FBXO10: variants seen among roughly 807,000 people sequenced by gnomAD.
The protein encoded by FBXO10 is F-box only protein 10.
FBXO10 carries 39 observed loss-of-function variants against 80.7 expected under a neutral mutation model. The ratio of observed to expected loss-of-function variants is 0.48; its 90% CI spans 0.37 to 0.63. FBXO10 has a LOEUF of 0.63. FBXO10 is among the 30% of genes least tolerant of loss of function. FBXO10 has a pLI of 0.00. For synonymous variants in FBXO10, 449 were observed against 489.6 expected (o/e 0.92, Z 1.09); for missense variants, 1,025 against 1,269.0 (o/e 0.81, Z 2.92).
At chr9:37,536,477 C>A (rs1327844157) in intron 3 of FBXO10, among the ~76,000 whole-genome samples, 1 of 152,180 alleles carries the variant, frequency 6.6e-6, no homozygotes, top group Non-Finnish European at 1.5e-5. Flanking sequence ...GCTAGAAGGA[C>A]TGTTCTTAGC....
chr9:37,540,865 T>C (rs958674848), intron 2 of FBXO10, among the ~76,000 whole-genome samples: 2 of 152,188 alleles, frequency 1.3e-5, no homozygotes, highest in African/African-American at 4.8e-5. Context: ...CCAAGTGGCA[T>C]GCTTCCAGAA....
At chr9:37,564,370 C>T (rs1161644554) in intron 1 of FBXO10, among the ~76,000 whole-genome samples, 2 of 152,150 alleles carry the variant, frequency 1.3e-5, no homozygotes, top group Admixed American at 1.3e-4. Context: ...GGCCCCCACA[C>T]AGAGTCTCCA....
chr9:37,532,185 G>T, intron 3 of FBXO10, 127 bp from the exon 4 acceptor site: 3 of 1,011,780 alleles, frequency 3.0e-6, no homozygotes, highest in Non-Finnish European at 2.8e-6. Flanking sequence ...CAAGAGAAAC[G>T]CCTCAATGCT....
At chr9:37,538,063 C>G in intron 2 of FBXO10, 120 bp from the exon 3 acceptor site, 1 of 746,726 alleles carries the variant, frequency 1.3e-6, no homozygotes, top group Non-Finnish European at 2.2e-6. Flanking sequence ...ATCTTCCCCT[C>G]CCCACTGGGG....
chr9:37,529,425 C>T (rs1214205246), intron 4 of FBXO10, among the ~76,000 whole-genome samples, 165 bp from the exon 5 acceptor site: 1 of 152,224 alleles, frequency 6.6e-6, no homozygotes, highest in Non-Finnish European at 1.5e-5. Context: ...CACTGCCGCC[C>T]TGCCCTTCCT....
intron 10 of FBXO10, among the ~76,000 whole-genome samples, chr9:37,514,421 G>C (rs1821133198): frequency 6.6e-6 from 1 of 152,158 alleles, no homozygotes; most frequent in Admixed American, 6.5e-5. Context: ...AATCTGCTGG[G>C]ATATTGGAAG....
intron 4 of FBXO10, 55 bp downstream of exon 4, chr9:37,531,854 C>T: frequency 6.3e-7 from 1 of 1,598,322 alleles, no homozygotes; most frequent in Non-Finnish European, 8.6e-7. Flanking sequence ...AATATCCTCA[C>T]AAATGGTTTC....
At chr9:37,519,567 C>T (rs1380026999) in intron 8 of FBXO10, among the ~76,000 whole-genome samples, 1 of 152,146 alleles carries the variant, frequency 6.6e-6, no homozygotes, top group African/African-American at 2.4e-5. Context: ...AGCCTGCAAG[C>T]TCAAATCTCT....
At chr9:37,514,316 A>G (rs1191885051) in intron 10 of FBXO10, among the ~76,000 whole-genome samples, 1 of 152,190 alleles carries the variant, frequency 6.6e-6, no homozygotes, top group African/African-American at 2.4e-5. Context: ...ACAGCGGACA[A>G]TACCAGAGCT....
chr9:37,511,991 G>A lies in FBXO10; in HGVS notation c.*556C>T, dbSNP rs1821068103. On this transcript the variant is annotated 3_prime_UTR_variant, in exon 11 of 11. Transcript: ENST00000432825. ...CCATGGGGTCTCCTGTTGCTCCCAGGTCCTTCCTTCCTCCCAGGTCCATGT... is the reference window on the plus strand; with the variant it reads ...CCATGGGGTCTCCTGTTGCTCCCAGATCCTTCCTTCCTCCCAGGTCCATGT... 6.6e-6 allele frequency: 1 copy of A among 152,598 alleles called. No individual in the cohort carries two copies. Among genetic ancestry groups the A allele is most frequent in the Non-Finnish European group, 1.5e-5 (1 of 68,436 alleles). 9.5% of individuals were successfully genotyped at this position (152,598 alleles called of 1,614,324 possible). A position where few individuals can be genotyped will look rare whatever the true frequency, so the allele number is the denominator to read the frequency against.
At position 37,541,684 on chromosome 9, in the gene FBXO10, C is replaced by T; in HGVS notation, c.85G>A (p.Val29Ile). 5.6e-6 allele frequency: 9 copies of T among 1,613,942 alleles called. No individual in the cohort carries two copies. Among genetic ancestry groups the T allele is most frequent in the Non-Finnish European group, 7.6e-6 (9 of 1,179,892 alleles). The change falls in exon 2 of 11, where the codon GTA (valine) becomes ATA (isoleucine). Residue 29 changes from valine (V) to isoleucine (I), a missense_variant. By Grantham distance (29) the Val-to-Ile change is conservative. Around this residue, in one of 3 missense-constraint regions of FBXO10, gnomAD observed 450 missense variants for 499.4 expected, o/e 0.90. Transcript: ENST00000432825. Reference sequence around the variant, plus strand: ...ATCAGTTCATACCAGGCCCTGCATACCAGGCTGCAGCGGCCCAGGTCGGGA... The same window carrying T: ...ATCAGTTCATACCAGGCCCTGCATATCAGGCTGCAGCGGCCCAGGTCGGGA... ...HLPDLGRCSLVCRAWYELILS... is the reference protein window; with the variant it reads ...HLPDLGRCSLICRAWYELILS...
intron 1 of FBXO10, among the ~76,000 whole-genome samples, chr9:37,561,324 C>T (rs767837911): frequency 1.3e-5 from 2 of 152,028 alleles, no homozygotes; most frequent in African/African-American, 4.8e-5. Context: ...TGATTACAGG[C>T]GTGAGTTACC....
intron 1 of FBXO10, among the ~76,000 whole-genome samples, chr9:37,544,000 C>T (rs185694121): frequency 6.6e-5 from 10 of 152,356 alleles, no homozygotes; most frequent in African/African-American, 1.9e-4. Flanking sequence ...GCTGCAGTGG[C>T]TCGTGCCTGT....
At chr9:37,520,731 G>A (rs1821320130) in intron 8 of FBXO10, among the ~76,000 whole-genome samples, 1 of 152,070 alleles carries the variant, frequency 6.6e-6, no homozygotes. Context: ...CTCTAAGAAG[G>A]AAAACTCACT....
chr9:37,529,729 T>C (rs1249261536), intron 4 of FBXO10, among the ~76,000 whole-genome samples: 1 of 152,202 alleles, frequency 6.6e-6, no homozygotes, highest in Non-Finnish European at 1.5e-5. Flanking sequence ...TTCTAGTCCT[T>C]TCTCATTTAG....
In FBXO10 at chr9:37,518,111, G is replaced by A; in HGVS notation, c.2514+14C>T. The stretch of plus-strand genomic sequence containing the variant: ...TGTGGGCACCACACGTCACACACAT[G>A]CAGACATACTCACTTTAGTGTCGGA... On this transcript the variant is annotated intron_variant, in intron 9 of 10. Coordinates refer to ENST00000432825, the MANE Select transcript of FBXO10 (RefSeq NM_012166.3). 1 of 1,602,676 alleles carries A rather than the reference G, an allele frequency of 6.2e-7. No individual in the cohort carries two copies. Among genetic ancestry groups the A allele is most frequent in the Non-Finnish European group, 8.5e-7 (1 of 1,174,048 alleles).
chr9:37,517,460 C>T (rs17413120), intron 9 of FBXO10, among the ~76,000 whole-genome samples: 12,524 of 127,914 alleles, frequency 0.098, 686 homozygotes, highest in East Asian at 0.16. Context: ...TAGAAAGGTG[C>T]TCAGAGCTCA....
chr9:37,537,658 A>T lies in FBXO10; in HGVS notation c.871T>A (p.Phe291Ile). 1 of 1,614,048 alleles carries T rather than the reference A, an allele frequency of 6.2e-7. No homozygotes were observed. The highest frequency in any genetic ancestry group is 1.6e-4 in the Middle Eastern group (1 of 6,062). The change falls in exon 3 of 11, where the codon TTT becomes ATT. Residue 291 changes from phenylalanine (F) to isoleucine (I), a missense_variant. This residue lies in a region of FBXO10 where 450 missense variants were observed against 499.4 expected (regional missense o/e 0.90). Coordinates refer to ENST00000432825, the MANE Select transcript of FBXO10 (RefSeq NM_012166.3). ...CTCTCTAGGTCCAGGGACATTAAAAAGTCAGAGTCCTCTGTGGGGAGAAAA... is the reference window on the plus strand; with the variant it reads ...CTCTCTAGGTCCAGGGACATTAAAATGTCAGAGTCCTCTGTGGGGAGAAAA... ...PTFLPTEDSD[F>I]LMSLDLESRD...
intron 1 of FBXO10, among the ~76,000 whole-genome samples, chr9:37,566,996 A>G (rs180945052): frequency 9.3e-4 from 142 of 152,318 alleles, no homozygotes; most frequent in African/African-American, 3.2e-3. Context: ...CTTAGGAGAC[A>G]GAAGGGGAGT....
Sources: allele counts gnomAD v4.1 joint callset (sites outside exome capture counted in the v4.1 genomes callset), GRCh38; gene constraint gnomAD v4.1.1; regional missense constraint gnomAD v4.1.1; transcripts MANE v1.5; gene names NCBI Gene and HGNC (gene_info 2026-07-23, HGNC 2026-07-21).